GNAZ: variants seen among roughly 807,000 people sequenced by gnomAD.
The protein encoded by GNAZ is guanine nucleotide-binding protein G(z) subunit alpha.
GNAZ carries 3 observed loss-of-function variants against 25.4 expected under a neutral mutation model. The observed-to-expected ratio is 0.12, with a 90% CI of 0.05 to 0.30. GNAZ has a LOEUF of 0.30. Ranked by LOEUF, GNAZ falls within the 10% of genes least tolerant of loss-of-function variation. The probability of loss-of-function intolerance (pLI) is 1.00; values close to 1 mark genes in which losing one functional copy is unlikely to be tolerated. For synonymous variants in GNAZ, 211 were observed against 205.7 expected, an observed-to-expected ratio of 1.03 and a Z score of -0.22; for missense variants, 241 against 501.8, an observed-to-expected ratio of 0.48 and a Z score of 4.97.
At chr22:23,103,539 A>G (rs2069366242) in intron 2 of GNAZ, among the ~76,000 whole-genome samples, 2 of 152,064 alleles carry the variant, frequency 1.3e-5, no homozygotes, top group African/African-American at 4.8e-5. Context: ...ACCCCGCTGG[A>G]GAAAGGGAAT....
At chr22:23,122,095 G>T (rs1459888378) in intron 2 of GNAZ, among the ~76,000 whole-genome samples, 2 of 152,162 alleles carry the variant, frequency 1.3e-5, no homozygotes, top group East Asian at 1.9e-4. Flanking sequence ...TTGATATTTT[G>T]CTCATTGAGT....
intron 2 of GNAZ, among the ~76,000 whole-genome samples, chr22:23,107,556 G>A (rs1049476987): frequency 1.3e-5 from 2 of 152,166 alleles, no homozygotes; most frequent in Non-Finnish European, 2.9e-5. Context: ...GGCAAGTCCT[G>A]TGAACTGGGG....
Position 23,123,541 on chromosome 22 carries a change from T to C in GNAZ, c.*110T>C. 1 of 667,710 alleles carries C rather than the reference T, an allele frequency of 1.5e-6. No individual in the cohort carries two copies. Among genetic ancestry groups the C allele is most frequent in the Non-Finnish European group, 2.6e-6 (1 of 386,932 alleles). 41.4% of individuals were successfully genotyped at this position (667,710 alleles called of 1,614,324 possible). A position where few individuals can be genotyped will look rare whatever the true frequency, so the allele number is the denominator to read the frequency against. ...GGCAGAAAACAGGGGGCCTAAAGAA[T>C]GTCCCCCACCCCTTGGCCTCTGCCT... On this transcript the variant is annotated 3_prime_UTR_variant, in exon 3 of 3. Transcript: ENST00000615612.
chr22:23,117,611 G>A (rs993433731), intron 2 of GNAZ, among the ~76,000 whole-genome samples: 6 of 152,242 alleles, frequency 3.9e-5, no homozygotes, highest in African/African-American at 1.2e-4. Flanking sequence ...GTGTGGCGTG[G>A]AGAGGGCCCA....
intron 1 of GNAZ, among the ~76,000 whole-genome samples, chr22:23,094,048 C>G (rs2069057210): frequency 6.6e-6 from 1 of 152,200 alleles, no homozygotes; most frequent in African/African-American, 2.4e-5. Context: ...AGATGCTGGT[C>G]ACACCCAGGA....
At chr22:23,098,787 G>A (rs929406836) in intron 2 of GNAZ, among the ~76,000 whole-genome samples, 4 of 152,240 alleles carry the variant, frequency 2.6e-5, no homozygotes, top group East Asian at 3.8e-4. Context: ...GATTCCTCCC[G>A]CAGGCTGGGC....
chr22:23,080,594 G>C (rs757440252), intron 1 of GNAZ, among the ~76,000 whole-genome samples: 4 of 152,240 alleles, frequency 2.6e-5, no homozygotes, highest in Admixed American at 6.5e-5. Flanking sequence ...GCAGGTGCAA[G>C]GCCCATCAGG....
rs1430420487 is a variant in GNAZ at position 23,124,896 on chromosome 22, G to GCAGTAGCTGTGTGTCCGAGGT, written c.*1470_*1490dup. ...GCCAGATCTCCCTCCCTCTCTCCGTGCAGTAGCTGTGTGTCCGAGGTCAGT... is the reference window on the plus strand; with the variant it reads ...GCCAGATCTCCCTCCCTCTCTCCGTGCAGTAGCTGTGTGTCCGAGGTCAGTAGCTGTGTGTCCGAGGTCAGT... On this transcript the variant is annotated 3_prime_UTR_variant, in exon 3 of 3. Transcript: ENST00000615612. 6.6e-6 allele frequency: 1 copy of GCAGTAGCTGTGTGTCCGAGGT among 152,666 alleles called. No homozygotes were observed. Among genetic ancestry groups the GCAGTAGCTGTGTGTCCGAGGT allele is most frequent in the Non-Finnish European group, 1.5e-5 (1 of 68,260 alleles). 9.5% of individuals were successfully genotyped at this position (152,666 alleles called of 1,614,324 possible).
intron 2 of GNAZ, among the ~76,000 whole-genome samples, chr22:23,104,654 G>A (rs2146341748): frequency 6.6e-6 from 1 of 152,234 alleles, no homozygotes; most frequent in East Asian, 1.9e-4. Context: ...ACTCCAAGGT[G>A]GAGGCTAAGA....
chr22:23,115,684 T>C (rs2069810066), intron 2 of GNAZ, among the ~76,000 whole-genome samples: 1 of 152,174 alleles, frequency 6.6e-6, no homozygotes, highest in Admixed American at 6.5e-5. Flanking sequence ...TGAGCACTGC[T>C]GGCCACCCCT....
intron 2 of GNAZ, among the ~76,000 whole-genome samples, chr22:23,107,662 G>A (rs2069521747): frequency 6.6e-6 from 1 of 152,156 alleles, no homozygotes; most frequent in Admixed American, 6.5e-5. Context: ...AGAAGCACCG[G>A]AACCCACCAA....
intron 2 of GNAZ, among the ~76,000 whole-genome samples, chr22:23,101,230 T>C (rs570471908): frequency 5.9e-5 from 9 of 151,324 alleles, no homozygotes; most frequent in Admixed American, 1.3e-4. Context: ...CTCAGAGAGG[T>C]TCCTTCACAT....
intron 2 of GNAZ, among the ~76,000 whole-genome samples, chr22:23,100,869 A>G (rs2069282763): frequency 6.6e-6 from 1 of 152,168 alleles, no homozygotes; most frequent in Admixed American, 6.5e-5. Flanking sequence ...TACCCTGAGG[A>G]GGGGCTGCCC....
intron 1 of GNAZ, among the ~76,000 whole-genome samples, chr22:23,076,003 G>C (rs1265146354): frequency 6.6e-6 from 1 of 152,126 alleles, no homozygotes; most frequent in East Asian, 1.9e-4. Flanking sequence ...AGTAGGTCTG[G>C]GCAGCCCCGC....
chr22:23,114,517 C>A (rs1266582636), intron 2 of GNAZ, among the ~76,000 whole-genome samples: 1 of 152,086 alleles, frequency 6.6e-6, no homozygotes, highest in East Asian at 1.9e-4. Context: ...TCTTGTATTA[C>A]CCCTCGCCCC....
chr22:23,094,773 G>C (rs947894016), intron 1 of GNAZ, among the ~76,000 whole-genome samples: 1 of 152,246 alleles, frequency 6.6e-6, no homozygotes, highest in Non-Finnish European at 1.5e-5. Flanking sequence ...CCTGTGATCA[G>C]AAGTGACCCA....
chr22:23,118,503 A>G (rs2069917697), intron 2 of GNAZ, among the ~76,000 whole-genome samples: 1 of 136,078 alleles, frequency 7.3e-6, no homozygotes, highest in East Asian at 2.6e-4. Context: ...CTGCCTTGGC[A>G]GCCATAGAGG....
At chr22:23,109,053 G>A (rs942767839) in intron 2 of GNAZ, among the ~76,000 whole-genome samples, 2 of 152,216 alleles carry the variant, frequency 1.3e-5, no homozygotes, top group Admixed American at 1.3e-4. Flanking sequence ...GTCATCGTGG[G>A]AAGAGCAGTG....
intron 2 of GNAZ, among the ~76,000 whole-genome samples, chr22:23,114,694 C>CTG (rs1165287913): frequency 3.3e-5 from 5 of 152,168 alleles, no homozygotes; most frequent in East Asian, 1.9e-4. Context: ...CTTACATATT[C>CTG]TGTGTGTGTG....
Sources: gnomAD v4.1 joint callset for allele counts (sites outside exome capture counted in the v4.1 genomes callset) on GRCh38, gnomAD v4.1.1 for gene constraint, MANE v1.5 for transcripts, NCBI Gene and HGNC (gene_info 2026-07-23, HGNC 2026-07-21) for gene names.